The following LYN variants were observed in gnomAD, a reference collection of about 807,000 sequenced individuals.
LYN encodes LYN proto-oncogene, Src family tyrosine kinase.
In LYN, 12 loss-of-function variants were observed where a neutral mutation model predicts 65.0. The observed-to-expected ratio is 0.18, with a 90% CI of 0.12 to 0.30. LYN has a LOEUF of 0.30. Among genes scored for constraint, LYN ranks in the 10% least tolerant of loss-of-function variants. The pLI is 1.00. For synonymous variants in LYN, 222 were observed against 221.2 expected, an observed-to-expected ratio of 1.00 and a Z score of -0.03; for missense variants, 380 against 623.2, an observed-to-expected ratio of 0.61 and a Z score of 4.16.
chr8:55,951,950 A>C lies in LYN; in HGVS notation c.488-16A>C. ...TTGTGAGATATAAACATTTACTTAC[A>C]CTTTTCCCCCCATAGGAAGCTTCTC... On this transcript the variant is annotated splice_polypyrimidine_tract_variant and intron_variant, in intron 6 of 12. Transcript: ENST00000519728. The C allele has an allele frequency of 6.2e-7, 1 of 1,606,780 alleles. No homozygotes were observed. The highest frequency in any genetic ancestry group is 8.5e-7 in the Non-Finnish European group (1 of 1,177,452).
At chr8:55,969,695 C>T (rs1440250428) in intron 9 of LYN, 22 bp from the exon 10 acceptor site, 2 of 1,590,610 alleles carry the variant, frequency 1.3e-6, no homozygotes, top group East Asian at 2.2e-5. Context: ...AATGCACTAA[C>T]TTGTTCTTTC....
At chr8:55,978,973 T>G (rs1217274774) in intron 10 of LYN, among the ~76,000 whole-genome samples, 1 of 151,786 alleles carries the variant, frequency 6.6e-6, no homozygotes, top group Non-Finnish European at 1.5e-5. Flanking sequence ...CATGCTTCCC[T>G]GACCGCTCAG....
chr8:55,908,987 A>G lies in LYN; in HGVS notation c.-6+28884A>G, dbSNP rs537779387. Among the ~76,000 whole-genome samples the G allele has an allele frequency of 5.7e-4, 41 of 71,780 alleles. 2 individuals carry two copies. The highest frequency in any genetic ancestry group is 2.8e-3 in the East Asian group (6 of 2,126). The allele number at this position is 71,780 out of a possible 152,430, so 47.1% of individuals were successfully genotyped here. A position where few individuals can be genotyped will look rare whatever the true frequency, so the allele number is the denominator to read the frequency against. On this transcript the variant is annotated intron_variant, in intron 1 of 12. Coordinates refer to ENST00000519728, the MANE Select transcript of LYN (RefSeq NM_002350.4). ...GTGGCTGAATGGTATTCCATTGTGTATGTATATATATATATATATATATAC... is the reference window on the plus strand; with the variant it reads ...GTGGCTGAATGGTATTCCATTGTGTGTGTATATATATATATATATATATAC...
chr8:55,889,178 G>C (rs73604848), intron 1 of LYN, among the ~76,000 whole-genome samples: 9,333 of 152,108 alleles, frequency 0.061, 942 homozygotes, highest in African/African-American at 0.21. Flanking sequence ...CCAGGCCTGC[G>C]TAATTTTTTT....
At chr8:55,912,476 G>T (rs182514110) in intron 1 of LYN, among the ~76,000 whole-genome samples, 1 of 151,984 alleles carries the variant, frequency 6.6e-6, no homozygotes, top group Non-Finnish European at 1.5e-5. Flanking sequence ...CTGTAATCCC[G>T]CACTTTGGGA....
chr8:55,977,710 T>C (rs549447146), intron 10 of LYN, among the ~76,000 whole-genome samples: 51 of 147,420 alleles, frequency 3.5e-4, no homozygotes, highest in African/African-American at 1.3e-3. Context: ...GCTGGGAGTT[T>C]GAGCCCAGCC....
At chr8:55,908,989 G>GTGTATATATATATATATATA (rs1379592685) in intron 1 of LYN, among the ~76,000 whole-genome samples, 2 of 20,392 alleles carry the variant, frequency 9.8e-5, no homozygotes, top group African/African-American at 5.7e-4. Context: ...CATTGTGTAT[G>GTGTATATATATATATATATA]TATATATATA....
chr8:55,990,349 G>T (rs1808214666), intron 10 of LYN, among the ~76,000 whole-genome samples: 1 of 151,672 alleles, frequency 6.6e-6, no homozygotes, highest in Non-Finnish European at 1.5e-5. Context: ...AGTGGTGGTT[G>T]TAGAAGCAAA....
chr8:55,922,969 C>G (rs1805988815), intron 1 of LYN, among the ~76,000 whole-genome samples: 1 of 152,084 alleles, frequency 6.6e-6, no homozygotes, highest in Non-Finnish European at 1.5e-5. Context: ...TCAAAACTCA[C>G]TATCTGCTCC....
At chr8:55,998,166 C>G (rs1808429682) in intron 10 of LYN, among the ~76,000 whole-genome samples, 180 bp from the exon 11 acceptor site, 1 of 150,464 alleles carries the variant, frequency 6.6e-6, no homozygotes, top group Non-Finnish European at 1.5e-5. Flanking sequence ...AGAGGGTGGT[C>G]AGTTATTTTA....
chr8:55,997,449 G>A (rs188960710), intron 10 of LYN, among the ~76,000 whole-genome samples: 2 of 152,236 alleles, frequency 1.3e-5, no homozygotes, highest in African/African-American at 4.8e-5. Context: ...TGTCTGATGA[G>A]GGGCCATTTC....
chr8:55,921,528 T>C (rs979224292), intron 1 of LYN, among the ~76,000 whole-genome samples: 4 of 152,056 alleles, frequency 2.6e-5, no homozygotes, highest in African/African-American at 9.7e-5. Context: ...AGAGAAGAAA[T>C]CTGAGGGGAG....
intron 1 of LYN, among the ~76,000 whole-genome samples, chr8:55,900,138 A>G (rs1053575872): frequency 6.6e-6 from 1 of 152,202 alleles, no homozygotes; most frequent in African/African-American, 2.4e-5. Flanking sequence ...GGCCAAAACA[A>G]GAGAGCCCCC....
At chr8:55,908,411 A>G (rs1805492889) in intron 1 of LYN, among the ~76,000 whole-genome samples, 1 of 151,376 alleles carries the variant, frequency 6.6e-6, no homozygotes, top group Non-Finnish European at 1.5e-5. Flanking sequence ...CGACCTGCTA[A>G]TTTTTGTATT....
intron 1 of LYN, among the ~76,000 whole-genome samples, chr8:55,914,255 A>G (rs942516933): frequency 1.3e-5 from 2 of 151,744 alleles, no homozygotes; most frequent in African/African-American, 4.8e-5. Context: ...TGGAGAAGAG[A>G]TTGAGGACTC....
rs553177567 is a variant in LYN, at chr8:56,012,810, C to A, written c.*2700C>A. 1 of 152,246 alleles carries A rather than the reference C, an allele frequency of 6.6e-6. No homozygotes were observed. The highest frequency in any genetic ancestry group is 2.4e-5 in the African/African-American group (1 of 41,550). 9.4% of individuals were successfully genotyped at this position (152,246 alleles called of 1,614,324 possible). A position where few individuals can be genotyped will look rare whatever the true frequency, so the allele number is the denominator to read the frequency against. ...TCACCATTTGGTTTGACCCATATTA[C>A]AAAGCCCAGCCTTCTTTTTCCTCAG... On this transcript the variant is annotated 3_prime_UTR_variant, in exon 13 of 13. Coordinates refer to ENST00000519728, the MANE Select transcript of LYN (RefSeq NM_002350.4).
chr8:55,931,533 T>G (rs1585611155), intron 1 of LYN, among the ~76,000 whole-genome samples: 1 of 152,070 alleles, frequency 6.6e-6, no homozygotes, highest in East Asian at 1.9e-4. Context: ...AAACCAAAAA[T>G]AGCTGTAGAT....
At chr8:55,893,052 T>C (rs185517388) in intron 1 of LYN, among the ~76,000 whole-genome samples, 12 of 152,124 alleles carry the variant, frequency 7.9e-5, no homozygotes, top group Non-Finnish European at 1.8e-4. Context: ...CCATTTGGTT[T>C]GGCAAATAAA....
Position 56,012,080 on chromosome 8 carries a change from T to C in LYN, c.*1970T>C, listed in dbSNP as rs1025858317. 1 of 191,098 alleles carries C rather than the reference T, an allele frequency of 5.2e-6. No homozygotes were observed. The highest frequency in any genetic ancestry group is 2.3e-5 in the African/African-American group (1 of 42,906). 11.8% of individuals were successfully genotyped at this position (191,098 alleles called of 1,614,324 possible). ...TCTTCTTGCCATTTTCCACTTGTCTTTCCCTCCCAATCAAGCCTGTGATCC... is the reference window on the plus strand; with the variant it reads ...TCTTCTTGCCATTTTCCACTTGTCTCTCCCTCCCAATCAAGCCTGTGATCC... On this transcript the variant is annotated 3_prime_UTR_variant, in exon 13 of 13. Transcript: ENST00000519728.
Sources: gnomAD v4.1 joint callset for allele counts (sites outside exome capture counted in the v4.1 genomes callset) on GRCh38, gnomAD v4.1.1 for gene constraint, MANE v1.5 for transcripts, NCBI Gene and HGNC (gene_info 2026-07-23, HGNC 2026-07-21) for gene names.